Variants in JMJD1C observed in about 807,000 individuals in gnomAD.
JMJD1C encodes the protein jumonji domain containing 1C.
A neutral mutation model predicts 245.3 loss-of-function variants in JMJD1C; 31 were observed. That is an observed-to-expected ratio of 0.13 (90% CI 0.09 to 0.17). The LOEUF is 0.17. Among genes scored for constraint, JMJD1C ranks in the 10% least tolerant of loss-of-function variants. JMJD1C has a pLI of 1.00. For missense variants in JMJD1C, 2,691 were observed against 3,000.2 expected, an observed-to-expected ratio of 0.90 and a Z score of 2.41; for synonymous variants, 1,057 against 1,017.4, an observed-to-expected ratio of 1.04 and a Z score of -0.74.
At chr10:63,516,603 C>A (rs1198004400) in intron 1 of JMJD1C, among the ~76,000 whole-genome samples, 1 of 152,138 alleles carries the variant, frequency 6.6e-6, no homozygotes, top group Non-Finnish European at 1.5e-5. Flanking sequence ...AAACACAAAA[C>A]CATATTTTAC....
chr10:63,333,487 G>T (rs191556086), intron 2 of JMJD1C, among the ~76,000 whole-genome samples: 1 of 152,070 alleles, frequency 6.6e-6, no homozygotes, highest in African/African-American at 2.4e-5. Context: ...GGTTGAGGCT[G>T]CAACGACTGC....
chr10:63,210,084 A>G lies in JMJD1C; in HGVS notation c.2695-849T>C, dbSNP rs1847140928. Among the ~76,000 whole-genome samples, 4 of 152,314 alleles carry G rather than the reference A, an allele frequency of 2.6e-5. No homozygotes were observed. The South Asian group carries it at 8.3e-4, about 32-fold the overall frequency. On this transcript the variant is annotated intron_variant, in intron 8 of 25. Coordinates refer to ENST00000399262, the MANE Select transcript of JMJD1C (RefSeq NM_032776.3). ...AAGCAGTATGTCACACCAAAAATAT[A>G]CTGCTATGAAATTAAAAACATACAC...
At chr10:63,202,194 CAGT>C in intron 10 of JMJD1C, 12 of 552,744 alleles carry the variant, frequency 2.2e-5, no homozygotes, top group Non-Finnish European at 2.8e-5. Flanking sequence ...GCGGAAGTTG[CAGT>C]GGGGTGAGAT....
At position 63,215,662 on chromosome 10, in the gene JMJD1C, A is replaced by G; in HGVS notation, c.713T>C (p.Val238Ala). The change falls in exon 6 of 26, where the codon GTT (valine) becomes GCT (alanine). Residue 238 changes from valine to alanine, a missense_variant. Val to Ala is a moderately conservative substitution (Grantham distance 64). Coordinates refer to ENST00000399262, the MANE Select transcript of JMJD1C (RefSeq NM_032776.3). ...AACATCATCTAGAAAGGTCATTTGA[A>G]CCATAGAAGGATCGACATTCTGTGG... The part of the protein sequence containing the change: ...LEPQNVDPSM[V>A]QMTFLDDVVH... The G allele has an allele frequency of 6.3e-7, 1 of 1,597,758 alleles. No homozygotes were observed. Among genetic ancestry groups the G allele is most frequent in the Non-Finnish European group, 8.6e-7 (1 of 1,167,246 alleles).
intron 3 of JMJD1C, among the ~76,000 whole-genome samples, chr10:63,258,443 G>A (rs535443037): frequency 3.5e-4 from 53 of 152,254 alleles, no homozygotes; most frequent in African/African-American, 1.1e-3. Flanking sequence ...TGAGAACTGT[G>A]CTTAGTGATC....
At chr10:63,179,892 T>C (rs540589145) in intron 22 of JMJD1C, among the ~76,000 whole-genome samples, 3 of 152,246 alleles carry the variant, frequency 2.0e-5, no homozygotes, top group African/African-American at 7.2e-5. Flanking sequence ...TGTATAAACT[T>C]TTTAAAGAAA....
At chr10:63,268,073 C>G (rs1855837028) in intron 2 of JMJD1C, among the ~76,000 whole-genome samples, 1 of 151,240 alleles carries the variant, frequency 6.6e-6, no homozygotes, top group Non-Finnish European at 1.5e-5. Flanking sequence ...TGTCTGCAGT[C>G]TTAGTTTCTA....
intron 1 of JMJD1C, among the ~76,000 whole-genome samples, chr10:63,505,963 C>T (rs1303486769): frequency 1.3e-5 from 2 of 152,042 alleles, no homozygotes; most frequent in Non-Finnish European, 2.9e-5. Flanking sequence ...AGTCTTTCTT[C>T]TCTCCAATAA....
rs1564623670 is a variant in JMJD1C at position 63,214,911 on chromosome 10, T to C, written c.1256A>G (p.Asn419Ser). Residue 419 changes from asparagine to serine, a missense_variant, in exon 8 of 26, where the codon AAT becomes AGT. Asn to Ser is a conservative substitution (Grantham distance 46). This residue lies in a region of JMJD1C where 1,562 missense variants were observed against 1,490.7 expected (regional missense o/e 1.05). Coordinates refer to ENST00000399262, the MANE Select transcript of JMJD1C (RefSeq NM_032776.3). ...TAGGGTCTCTTCTCCTGCCTTCTCA[T>C]TATTATGGGGTTTTCCTTCTTCTCC... ...INGEEGKPHN[N>S]EKAGEETLKN... 4 of 1,612,250 alleles carry C rather than the reference T, an allele frequency of 2.5e-6. No individual in the cohort carries two copies. The highest frequency in any genetic ancestry group is 3.4e-6 in the Non-Finnish European group (4 of 1,178,614).
intron 2 of JMJD1C, among the ~76,000 whole-genome samples, chr10:63,288,937 T>C (rs1858319980): frequency 6.7e-6 from 1 of 149,236 alleles, no homozygotes; most frequent in Non-Finnish European, 1.5e-5. Context: ...ATGATAATAA[T>C]CTGTATATTT....
intron 3 of JMJD1C, chr10:63,222,055 T>C: frequency 2.2e-6 from 1 of 454,416 alleles, no homozygotes; most frequent in Non-Finnish European, 4.1e-6. Flanking sequence ...AAACCATTAC[T>C]ATTTTCAGAT....
chr10:63,377,535 C>T (rs1564851462), intron 2 of JMJD1C, among the ~76,000 whole-genome samples: 1 of 152,028 alleles, frequency 6.6e-6, no homozygotes, highest in Non-Finnish European at 1.5e-5. Flanking sequence ...GAGTTCAAGA[C>T]CTGCCTGGCC....
rs376260875 is a variant in JMJD1C at position 63,333,942 on chromosome 10, A to G, written c.333+46376T>C. Among the ~76,000 whole-genome samples the G allele has an allele frequency of 2.2e-4, 34 of 152,304 alleles. 1 individual carries two copies. Among genetic ancestry groups the G allele is most frequent in the African/African-American group, 2.4e-4 (10 of 41,572 alleles). ...TTTCTAAATCCAAATACCAAAATGA[A>G]AACACAAAGCAGATCAATTAAAAAA... is the stretch of plus-strand genomic sequence containing the variant. On this transcript the variant is annotated intron_variant, in intron 2 of 25. Transcript: ENST00000399262.
intron 14 of JMJD1C, 139 bp from the exon 15 acceptor site, chr10:63,193,611 C>T (rs1845099544): frequency 3.6e-6 from 2 of 549,524 alleles, no homozygotes; most frequent in South Asian, 5.8e-5. Context: ...CCATTTTTCT[C>T]CATTCTCTTC....
intron 1 of JMJD1C, among the ~76,000 whole-genome samples, chr10:63,428,132 CAT>C (rs1466321959): frequency 6.6e-6 from 1 of 152,070 alleles, no homozygotes; most frequent in Non-Finnish European, 1.5e-5. Flanking sequence ...TGAAGGAATT[CAT>C]ATGAGAGGAG....
chr10:63,444,350 C>T lies in JMJD1C; in HGVS notation c.168+21145G>A, dbSNP rs1278824966. Among the ~76,000 whole-genome samples the T allele has an allele frequency of 2.6e-5, 4 of 151,956 alleles. No homozygotes were observed. In the East Asian group the frequency reaches 7.7e-4, roughly 29 times the overall value. On this transcript the variant is annotated intron_variant, in intron 1 of 25. Transcript: ENST00000399262. ...GTGCAGTGGCACAATCTCGACTCAC[C>T]GCAACCTCCGCCTCCCAGGTTCAAG...
intron 1 of JMJD1C, among the ~76,000 whole-genome samples, chr10:63,451,701 T>C (rs148622679): frequency 2.0e-4 from 31 of 152,232 alleles, no homozygotes; most frequent in African/African-American, 7.5e-4. Flanking sequence ...CACTTGACCA[T>C]CCATGGATTT....
At chr10:63,212,845 A>G (rs1847523978) in intron 8 of JMJD1C, among the ~76,000 whole-genome samples, 1 of 151,030 alleles carries the variant, frequency 6.6e-6, no homozygotes, top group Non-Finnish European at 1.5e-5. Context: ...TATATATATT[A>G]TAATTATTGC....
chr10:63,268,054 A>ATCTC (rs1855827952), intron 2 of JMJD1C, among the ~76,000 whole-genome samples: 1 of 152,046 alleles, frequency 6.6e-6, no homozygotes, highest in Non-Finnish European at 1.5e-5. Flanking sequence ...AGGAAATTCA[A>ATCTC]GGAGCTTATG....
Sources: allele counts gnomAD v4.1 joint callset (sites outside exome capture counted in the v4.1 genomes callset), GRCh38; gene constraint gnomAD v4.1.1; regional missense constraint gnomAD v4.1.1; transcripts MANE v1.5; gene names NCBI Gene and HGNC (gene_info 2026-07-23, HGNC 2026-07-21).